Variants in TLK2 observed in about 807,000 individuals in gnomAD.
TLK2 encodes the protein tousled like kinase 2, also known as serine/threonine-protein kinase tousled-like 2.
In TLK2, 6 loss-of-function variants were observed where a neutral mutation model predicts 117.3. The ratio of observed to expected loss-of-function variants is 0.05; its 90% CI spans 0.03 to 0.10. The LOEUF (loss-of-function observed/expected upper bound fraction) is 0.10, where lower values mean the gene tolerates loss of function less well. Ranked by LOEUF, TLK2 falls within the 10% of genes least tolerant of loss-of-function variation. The pLI, the probability that TLK2 is intolerant of heterozygous loss-of-function variation, is 1.00. For synonymous variants in TLK2, 257 were observed against 316.7 expected, an observed-to-expected ratio of 0.81 and a Z score of 2.00; for missense variants, 299 against 901.2, an observed-to-expected ratio of 0.33 and a Z score of 8.56.
chr17:62,554,967 ATTT>A (rs138425395), intron 9 of TLK2, among the ~76,000 whole-genome samples: 2 of 148,454 alleles, frequency 1.3e-5, no homozygotes, highest in African/African-American at 5.0e-5. Context: ...CATTTGGTAC[ATTT>A]TTTTTTTCAG....
At chr17:62,612,209 T>C in intron 21 of TLK2, 183 bp from the exon 22 acceptor site, 1 of 557,860 alleles carries the variant, frequency 1.8e-6, no homozygotes, top group Non-Finnish European at 3.1e-6. Flanking sequence ...GAGGTACTTC[T>C]GTTGGTGCTT....
chr17:62,564,482 G>A (rs1240534082), intron 10 of TLK2, among the ~76,000 whole-genome samples: 1 of 145,648 alleles, frequency 6.9e-6, no homozygotes, highest in Non-Finnish European at 1.5e-5. Flanking sequence ...GTTGCAGTGA[G>A]CCGAGATCCC....
intron 21 of TLK2, among the ~76,000 whole-genome samples, chr17:62,611,365 A>AC (rs1383017986): frequency 3.9e-5 from 6 of 152,354 alleles, no homozygotes; most frequent in Non-Finnish European, 7.3e-5. Flanking sequence ...TGTTTATCAA[A>AC]CATGGGGGAA....
At chr17:62,527,513 C>A (rs2076447113) in intron 6 of TLK2, among the ~76,000 whole-genome samples, 1 of 152,090 alleles carries the variant, frequency 6.6e-6, no homozygotes, top group Non-Finnish European at 1.5e-5. Context: ...ACTAGCCTGA[C>A]CTCTAACAAC....
In TLK2 at chr17:62,525,440, A is replaced by G. The variant is rs186638702; in HGVS notation, c.363+1109A>G. Among the ~76,000 whole-genome samples, 9 of 148,676 alleles carry G rather than the reference A, an allele frequency of 6.1e-5. No individual in the cohort carries two copies. The East Asian group carries it at 1.8e-3, about 29-fold the overall frequency. On this transcript the variant is annotated intron_variant, in intron 6 of 21. Transcript: ENST00000346027. The stretch of plus-strand genomic sequence containing the variant: ...TGGCTATTACTGTGTCATCCTTGCC[A>G]TATATATGTAATTTTTTTTTTTTTT...
At chr17:62,502,892 T>G (rs2074325420) in intron 2 of TLK2, among the ~76,000 whole-genome samples, 1 of 152,186 alleles carries the variant, frequency 6.6e-6, no homozygotes, top group African/African-American at 2.4e-5. Context: ...AACATTAATT[T>G]GTTCATAAGC....
At chr17:62,505,675 A>G (rs571748898) in intron 2 of TLK2, among the ~76,000 whole-genome samples, 4 of 151,952 alleles carry the variant, frequency 2.6e-5, no homozygotes, top group Non-Finnish European at 4.4e-5. Flanking sequence ...TATTCTTGCT[A>G]TGTCACCCAG....
chr17:62,504,269 A>G (rs527520272), intron 2 of TLK2, among the ~76,000 whole-genome samples: 1 of 152,270 alleles, frequency 6.6e-6, no homozygotes, highest in African/African-American at 2.4e-5. Flanking sequence ...TCCCCAACAT[A>G]TAGTACTGTT....
intron 1 of TLK2, among the ~76,000 whole-genome samples, chr17:62,480,120 GTAA>G (rs1567756705): frequency 6.6e-6 from 1 of 152,270 alleles, no homozygotes; most frequent in African/African-American, 2.4e-5. Context: ...TGAAGGACTT[GTAA>G]GGGGGTTGTT....
intron 2 of TLK2, among the ~76,000 whole-genome samples, chr17:62,488,350 C>T (rs1439308159): frequency 6.6e-6 from 1 of 152,112 alleles, no homozygotes; most frequent in African/African-American, 2.4e-5. Flanking sequence ...TCATGTAGTT[C>T]ATTGCAGCAA....
At position 62,550,271 on chromosome 17, in the gene TLK2, G is replaced by T. The variant is rs1263694163; in HGVS notation, c.532-2031G>T. ...GCTGGGATTACAGACATGAGCCACTGTGCTCAGCCTCAAATCATAAACTTT... is the reference window on the plus strand; with the variant it reads ...GCTGGGATTACAGACATGAGCCACTTTGCTCAGCCTCAAATCATAAACTTT... On this transcript the variant is annotated intron_variant, in intron 7 of 21. Transcript: ENST00000346027. 3.9e-5 allele frequency: 6 copies of T among 152,372 alleles called. No individual in the cohort carries two copies. The South Asian group carries it at 1.2e-3, about 32-fold the overall frequency. The allele number at this position is 152,372 out of a possible 1,614,324, so 9.4% of individuals were successfully genotyped here. A position where few individuals can be genotyped will look rare whatever the true frequency, so the allele number is the denominator to read the frequency against.
intron 2 of TLK2, among the ~76,000 whole-genome samples, chr17:62,483,846 G>C (rs1265360561): frequency 6.6e-6 from 1 of 150,834 alleles, no homozygotes; most frequent in Non-Finnish European, 1.5e-5. Flanking sequence ...TTTTTTTTGA[G>C]ACAGAGTTTT....
chr17:62,607,892 T>C (rs909595545), intron 20 of TLK2, 149 bp from the exon 21 acceptor site: 1 of 638,198 alleles, frequency 1.6e-6, no homozygotes, highest in Non-Finnish European at 2.7e-6. Flanking sequence ...ATCTATAAAG[T>C]GAGAGAACTA....
At chr17:62,480,657 A>G (rs2071530505) in intron 1 of TLK2, among the ~76,000 whole-genome samples, 1 of 152,192 alleles carries the variant, frequency 6.6e-6, no homozygotes, top group African/African-American at 2.4e-5. Context: ...CTTCTGATTC[A>G]TCCTATATTC....
intron 6 of TLK2, among the ~76,000 whole-genome samples, chr17:62,533,903 T>G (rs1170287647): frequency 6.6e-6 from 1 of 152,194 alleles, no homozygotes; most frequent in Non-Finnish European, 1.5e-5. Flanking sequence ...TTCTTTTCCC[T>G]TTTTTTCTAA....
intron 20 of TLK2, among the ~76,000 whole-genome samples, chr17:62,607,386 G>A (rs1046733406): frequency 2.0e-5 from 3 of 151,474 alleles, no homozygotes; most frequent in African/African-American, 4.9e-5. Context: ...AAAATTAGCC[G>A]GGCGTGGTGG....
chr17:62,593,189 G>A (rs1408823232), intron 16 of TLK2, among the ~76,000 whole-genome samples: 1 of 152,144 alleles, frequency 6.6e-6, no homozygotes, highest in African/African-American at 2.4e-5. Flanking sequence ...TAGAAAAGGT[G>A]CAGTAAATAT....
At chr17:62,503,920 G>A (rs2074440238) in intron 2 of TLK2, among the ~76,000 whole-genome samples, 1 of 151,326 alleles carries the variant, frequency 6.6e-6, no homozygotes, top group African/African-American at 2.4e-5. Context: ...TTTTAGTAGA[G>A]ACGGGGTTTC....
At chr17:62,546,752 G>C (rs1207545870) in intron 7 of TLK2, among the ~76,000 whole-genome samples, 7 of 151,518 alleles carry the variant, frequency 4.6e-5, no homozygotes, top group Non-Finnish European at 1.0e-4. Context: ...TAGAGACGGG[G>C]TTTCACCATG....
Sources: gnomAD v4.1 joint callset for allele counts (sites outside exome capture counted in the v4.1 genomes callset) on GRCh38, gnomAD v4.1.1 for gene constraint, MANE v1.5 for transcripts, NCBI Gene and HGNC (gene_info 2026-07-23, HGNC 2026-07-21) for gene names.